Variants in ZNF385D observed in about 807,000 individuals in gnomAD.
The protein encoded by ZNF385D is zinc finger protein 385D, also known as zinc finger protein 659.
A neutral mutation model predicts 35.8 loss-of-function variants in ZNF385D; 15 were observed. That is an observed-to-expected ratio of 0.42 (90% CI 0.28 to 0.64). ZNF385D has a LOEUF of 0.64. Among genes scored for constraint, ZNF385D ranks in the 30% least tolerant of loss-of-function variants. The probability of loss-of-function intolerance (pLI) is 0.23; values close to 1 mark genes in which losing one functional copy is unlikely to be tolerated. For synonymous variants in ZNF385D, 212 were observed against 186.8 expected, an observed-to-expected ratio of 1.13 and a Z score of -1.10; for missense variants, 474 against 494.6, an observed-to-expected ratio of 0.96 and a Z score of 0.39.
chr3:22,012,274 T>C (rs1218394833), intron 3 of ZNF385D, among the ~76,000 whole-genome samples: 2 of 152,200 alleles, frequency 1.3e-5, no homozygotes, highest in African/African-American at 4.8e-5. Context: ...AAAATTGAAA[T>C]ACGTAGCTCT....
At chr3:21,816,178 C>A (rs1397468130) in intron 3 of ZNF385D, among the ~76,000 whole-genome samples, 1 of 152,126 alleles carries the variant, frequency 6.6e-6, no homozygotes, top group Non-Finnish European at 1.5e-5. Flanking sequence ...TGGGACGTAT[C>A]TCAAAATAAT....
At chr3:21,432,215 T>C (rs1483977593) in intron 5 of ZNF385D, among the ~76,000 whole-genome samples, 1 of 151,940 alleles carries the variant, frequency 6.6e-6, no homozygotes, top group South Asian at 2.1e-4. Context: ...GCATTTATTG[T>C]TTTAAGGATT....
intron 1 of ZNF385D, among the ~76,000 whole-genome samples, chr3:21,734,160 T>C (rs1281272743): frequency 2.6e-5 from 4 of 152,130 alleles, no homozygotes; most frequent in South Asian, 2.1e-4. Flanking sequence ...CATTAACTTA[T>C]AGAGAGCCAA....
chr3:21,624,292 T>A (rs2065079889), intron 2 of ZNF385D, among the ~76,000 whole-genome samples: 2 of 152,138 alleles, frequency 1.3e-5, no homozygotes, highest in Middle Eastern at 3.4e-3. Context: ...TCCTGCTTTG[T>A]CCTGCATGGG....
At chr3:22,098,691 T>A (rs1304052568) in intron 3 of ZNF385D, among the ~76,000 whole-genome samples, 2 of 151,984 alleles carry the variant, frequency 1.3e-5, no homozygotes, top group African/African-American at 4.8e-5. Context: ...AGAGAAGAAA[T>A]GTCACATGAT....
intron 1 of ZNF385D, among the ~76,000 whole-genome samples, chr3:21,734,958 T>C (rs1013418384): frequency 6.6e-6 from 1 of 152,154 alleles, no homozygotes; most frequent in Non-Finnish European, 1.5e-5. Context: ...GATCATGCCT[T>C]TGGGACTCGT....
chr3:21,424,122 C>T (rs1459369647), intron 6 of ZNF385D, 58 bp from the exon 7 acceptor site: 4 of 1,442,204 alleles, frequency 2.8e-6, no homozygotes, highest in Non-Finnish European at 3.8e-6. Flanking sequence ...AAACCTCTCA[C>T]AAATATTGCT....
intron 2 of ZNF385D, among the ~76,000 whole-genome samples, chr3:21,572,429 T>A (rs191865750): frequency 2.6e-5 from 4 of 152,308 alleles, no homozygotes; most frequent in African/African-American, 9.6e-5. Context: ...CCTAAATGAT[T>A]GTATTGATGG....
At chr3:22,126,307 G>A (rs1417880581) in intron 3 of ZNF385D, among the ~76,000 whole-genome samples, 5 of 76,454 alleles carry the variant, frequency 6.5e-5, no homozygotes, top group Admixed American at 6.3e-4. Flanking sequence ...GTATTTGAAA[G>A]TTGTTTTTTT....
chr3:21,796,209 C>T (rs962437985), intron 3 of ZNF385D, among the ~76,000 whole-genome samples: 8 of 152,168 alleles, frequency 5.3e-5, no homozygotes, highest in African/African-American at 1.9e-4. Flanking sequence ...AACTAATTAT[C>T]AGTCTTAACT....
rs181506049 is a variant in ZNF385D, at chr3:22,075,379, A to T, written c.325+93438T>A. 2.1e-4 allele frequency among the ~76,000 whole-genome samples: 32 copies of T among 151,940 alleles called. No individual in the cohort carries two copies. In the East Asian group the frequency reaches 6.2e-3, roughly 29 times the overall value. Reference sequence around the variant, plus strand: ...CCAATTCATTCTTCAATTTCACTCTAATCTGATTCCTATTCTCAACACTCC... The same window carrying T: ...CCAATTCATTCTTCAATTTCACTCTTATCTGATTCCTATTCTCAACACTCC... On this transcript the variant is annotated intron_variant, in intron 3 of 5. Coordinates refer to the ZNF385D transcript ENST00000494108.
In ZNF385D at chr3:21,415,329, G is replaced by A. The variant is rs1575109265; in HGVS notation, c.*5885C>T. 6.6e-6 allele frequency: 1 copy of A among 152,104 alleles called. No homozygotes were observed. The highest frequency in any genetic ancestry group is 6.6e-5 in the Admixed American group (1 of 15,246). The allele number at this position is 152,104 out of a possible 1,614,324, so 9.4% of individuals were successfully genotyped here. A position where few individuals can be genotyped will look rare whatever the true frequency, so the allele number is the denominator to read the frequency against. On this transcript the variant is annotated 3_prime_UTR_variant, in exon 8 of 8. Coordinates refer to ENST00000281523, the MANE Select transcript of ZNF385D (RefSeq NM_024697.3). ...TCAGTACTCAAAGTCAGTAGCTGAT[G>A]TGAAATGATACAATTGTATGACCCA...
intron 2 of ZNF385D, among the ~76,000 whole-genome samples, chr3:22,362,460 A>G (rs1255810430): frequency 1.3e-5 from 2 of 152,072 alleles, no homozygotes; most frequent in Non-Finnish European, 2.9e-5. Context: ...ACTCTTCTTT[A>G]TGAGGTCCTC....
chr3:22,313,354 C>T (rs1703690426), intron 2 of ZNF385D, among the ~76,000 whole-genome samples: 1 of 151,692 alleles, frequency 6.6e-6, no homozygotes, highest in African/African-American at 2.4e-5. Flanking sequence ...ACATATGTAA[C>T]AAACCTGCAC....
chr3:21,921,767 C>T (rs924451368), intron 3 of ZNF385D, among the ~76,000 whole-genome samples: 2 of 150,698 alleles, frequency 1.3e-5, no homozygotes, highest in African/African-American at 4.9e-5. Flanking sequence ...TCTGGAAACA[C>T]AATCTCCCAA....
At chr3:22,163,386 C>T (rs932899519) in intron 3 of ZNF385D, among the ~76,000 whole-genome samples, 7 of 152,124 alleles carry the variant, frequency 4.6e-5, no homozygotes, top group African/African-American at 1.7e-4. Flanking sequence ...CAATAGCCCC[C>T]TAATTAATTT....
At chr3:21,765,443 C>A (rs2070785420) in intron 3 of ZNF385D, among the ~76,000 whole-genome samples, 1 of 152,000 alleles carries the variant, frequency 6.6e-6, no homozygotes, top group South Asian at 2.1e-4. Context: ...ATTAGGATGG[C>A]TTCTAAATGG....
intron 2 of ZNF385D, among the ~76,000 whole-genome samples, chr3:22,317,292 A>C (rs1703949416): frequency 6.7e-6 from 1 of 149,920 alleles, no homozygotes; most frequent in Non-Finnish European, 1.5e-5. Context: ...AAAAAAAAAA[A>C]AAAAAAAAAA....
chr3:22,126,719 G>C (rs375582693), intron 3 of ZNF385D, among the ~76,000 whole-genome samples: 171 of 152,192 alleles, frequency 1.1e-3, no homozygotes, highest in Admixed American at 4.9e-3. Context: ...GAGCAGATTA[G>C]TTATAATATC....
Sources: gnomAD v4.1 joint callset for allele counts (sites outside exome capture counted in the v4.1 genomes callset) on GRCh38, gnomAD v4.1.1 for gene constraint, MANE v1.5 for transcripts, NCBI Gene and HGNC (gene_info 2026-07-23, HGNC 2026-07-21) for gene names.